The following SLC66A1 variants were observed in gnomAD, a reference collection of about 807,000 sequenced individuals.
SLC66A1 encodes lysosomal amino acid transporter 1 homolog.
In SLC66A1, 23 loss-of-function variants were observed where a neutral mutation model predicts 33.0. The ratio of observed to expected loss-of-function variants is 0.70; its 90% CI spans 0.50 to 0.99. The LOEUF (loss-of-function observed/expected upper bound fraction) is 0.99. Among genes scored for constraint, SLC66A1 ranks in the 50% least tolerant of loss-of-function variants. SLC66A1 has a pLI of 0.00. For synonymous variants in SLC66A1, 164 were observed against 175.5 expected, an observed-to-expected ratio of 0.93 and a Z score of 0.52; for missense variants, 335 against 383.6, an observed-to-expected ratio of 0.87 and a Z score of 1.06.
At chr1:19,334,376 C>T in the SLC66A1 span, among the ~76,000 whole-genome samples, 86,930 of 152,002 alleles carry the variant, frequency 0.57, 25,251 homozygotes, top group African/African-American at 0.65. Flanking sequence ...TGAAAAAATA[C>T]CAAATGTGCC....
rs201584376 is a variant in SLC66A1 at position 19,317,753 on chromosome 1, T to C, written c.76T>C (p.Leu26=). ...SGSIQWIWDV[L]GECAQDGWDE... The stretch of plus-strand genomic sequence containing the variant: ...CTCCATCCAGTGGATATGGGATGTG[T>C]TGGGTGAATGTGCCCAGGACGGCTG... Residue 26 remains leucine (L), a synonymous_variant, in exon 2 of 8, where the codon TTG becomes CTG. Coordinates refer to ENST00000375153, the MANE Select transcript of SLC66A1 (RefSeq NM_001040125.2). 42 of 1,614,188 alleles carry C rather than the reference T, an allele frequency of 2.6e-5. No individual in the cohort carries two copies. In the African/African-American group the frequency reaches 4.7e-4, roughly 18 times the overall value.
At chr1:19,323,581 A>G (rs1299713596) in intron 2 of SLC66A1, among the ~76,000 whole-genome samples, 2 of 151,564 alleles carry the variant, frequency 1.3e-5, no homozygotes, top group Non-Finnish European at 2.9e-5. Context: ...TGATTTTTGT[A>G]TTTTTGGTAG....
At chr1:19,319,791 T>C (rs2093825234) in intron 2 of SLC66A1, among the ~76,000 whole-genome samples, 5 of 150,822 alleles carry the variant, frequency 3.3e-5, no homozygotes. Flanking sequence ...TGGTCCCAGC[T>C]ACTCGGGAGG....
intron 1 of SLC66A1, among the ~76,000 whole-genome samples, chr1:19,313,368 CCTCT>C (rs1255760303): frequency 6.6e-6 from 1 of 152,208 alleles, no homozygotes; most frequent in Admixed American, 6.5e-5. Flanking sequence ...CTTCTCTCTA[CCTCT>C]CTCTTTCTCT....
rs915399689 is a variant in SLC66A1, at chr1:19,317,509, G to A, written c.-78-91G>A. ...TCTCTGGCTCAGGGCCAGGAGCCCC[G>A]TGAAAAGGCTGGGATGAGCTTAGTT... On this transcript the variant is annotated intron_variant, in intron 1 of 7. Transcript: ENST00000375153. The A allele has an allele frequency of 2.0e-5, 28 of 1,393,566 alleles. No homozygotes were observed. The Admixed American group carries it at 2.6e-4, about 13-fold the overall frequency. 86.3% of individuals were successfully genotyped at this position (1,393,566 alleles called of 1,614,324 possible).
rs770851191 is a variant in SLC66A1, at chr1:19,317,693, C to T, written c.16C>T (p.Leu6=). The T allele has an allele frequency of 6.2e-7, 1 of 1,614,128 alleles. No homozygotes were observed. Among genetic ancestry groups the T allele is most frequent in the Non-Finnish European group, 8.5e-7 (1 of 1,179,946 alleles). The change falls in exon 2 of 8, where the codon CTG becomes TTG. Residue 6 remains leucine, a synonymous_variant. Transcript: ENST00000375153. ...CTCCACAGCCATGGTCTGGAAGAAA[C>T]TGGGCTCCCGCAACTTCTCCAGCTG... MVWKK[L]GSRNFSSCPS...
At chr1:19,313,755 C>T (rs1044828493) in intron 1 of SLC66A1, among the ~76,000 whole-genome samples, 1 of 152,192 alleles carries the variant, frequency 6.6e-6, no homozygotes, top group South Asian at 2.1e-4. Flanking sequence ...TAACTTGAGG[C>T]CTAGCCTCAG....
chr1:19,315,896 C>T (rs1222103252), intron 1 of SLC66A1, among the ~76,000 whole-genome samples: 8 of 152,190 alleles, frequency 5.3e-5, no homozygotes, highest in African/African-American at 1.9e-4. Context: ...ACATCACTTC[C>T]GCACTCTGGC....
rs903391383 is a variant in SLC66A1 at position 19,328,840 on chromosome 1, C to G, written c.*197C>G. On this transcript the variant is annotated 3_prime_UTR_variant, in exon 8 of 8. Transcript: ENST00000375153. The surrounding 1 kb of genome is among the most constrained non-coding windows in gnomAD (Gnocchi z 4.7). ...CTCAAGGCCGGGGCTGGAGCGGAGA[C>G]CCCAGGGCCTCTCAGGAGACAGTGA... The G allele has an allele frequency of 1.6e-5, 10 of 620,242 alleles. No individual in the cohort carries two copies. The highest frequency in any genetic ancestry group is 2.8e-5 in the Non-Finnish European group (10 of 355,366). The allele number at this position is 620,242 out of a possible 1,614,324, so 38.4% of individuals were successfully genotyped here. A position where few individuals can be genotyped will look rare whatever the true frequency, so the allele number is the denominator to read the frequency against.
intron 7 of SLC66A1, 81 bp downstream of exon 7, chr1:19,327,493 G>T: frequency 6.8e-7 from 1 of 1,464,366 alleles, no homozygotes; most frequent in Non-Finnish European, 9.3e-7. Context: ...GCACTCATCC[G>T]TCTCTTCCTC....
intron 4 of SLC66A1, 94 bp from the exon 5 acceptor site, chr1:19,326,151 G>C: frequency 8.0e-7 from 1 of 1,256,176 alleles, no homozygotes; most frequent in Non-Finnish European, 1.1e-6. Flanking sequence ...AGGTCACACA[G>C]CCCCTGAGGG....
intron 3 of SLC66A1, 86 bp downstream of exon 3, chr1:19,324,848 C>T: frequency 6.6e-7 from 1 of 1,512,916 alleles, no homozygotes; most frequent in East Asian, 2.4e-5. Context: ...GGCTCTTTGG[C>T]CCGCCTGGTC....
intron 1 of SLC66A1, among the ~76,000 whole-genome samples, chr1:19,314,074 A>G (rs576316978): frequency 7.9e-5 from 12 of 152,290 alleles, no homozygotes; most frequent in Admixed American, 5.2e-4. Flanking sequence ...GTCAAGCTCC[A>G]TTGCAACCTT....
At chr1:19,330,150 C>T (rs2093888569), downstream of SLC66A1, among the ~76,000 whole-genome samples, 1 of 152,008 alleles carries the variant, frequency 6.6e-6, no homozygotes, top group African/African-American at 2.4e-5. Flanking sequence ...TGTTCTGATT[C>T]CACTTTCCTG....
chr1:19,326,941 G>T (rs952814228), intron 6 of SLC66A1, among the ~76,000 whole-genome samples: 1 of 152,126 alleles, frequency 6.6e-6, no homozygotes, highest in Non-Finnish European at 1.5e-5. Context: ...GGGAGGGGAG[G>T]CTTGCTGGGC....
chr1:19,325,459 C>A, intron 3 of SLC66A1, 36 bp from the exon 4 acceptor site: 1 of 1,488,880 alleles, frequency 6.7e-7, no homozygotes, highest in Non-Finnish European at 9.4e-7. Context: ...GATCCTGGGA[C>A]TGCGCCAACC....
Position 19,328,189 on chromosome 1 carries a change from G to C in SLC66A1, c.805-383G>C. The C allele has an allele frequency of 2.7e-6, 1 of 368,414 alleles. No homozygotes were observed. Among genetic ancestry groups the C allele is most frequent in the Non-Finnish European group, 5.1e-6 (1 of 197,146 alleles). 22.8% of individuals were successfully genotyped at this position (368,414 alleles called of 1,614,324 possible). ...TGGCCTTTGTTTTAATATTTGTTAA[G>C]TCCCTGCCGGGCGCAGGGAGGGGTG... On this transcript the variant is annotated intron_variant, in intron 7 of 7. Transcript: ENST00000375153. The surrounding 1 kb of genome is among the most constrained non-coding windows in gnomAD (Gnocchi z 4.7).
chr1:19,326,228 C>T lies in SLC66A1; in HGVS notation c.383-17C>T, dbSNP rs755542894. ...ACTCAGCCATCTAACCTCAGCTTCC[C>T]CCTGCCTTGTGTGCAGTGTCTGCCC... On this transcript the variant is annotated splice_polypyrimidine_tract_variant and intron_variant, in intron 4 of 7. Transcript: ENST00000375153. The T allele has an allele frequency of 6.3e-7, 1 of 1,591,562 alleles. No individual in the cohort carries two copies. Among genetic ancestry groups the T allele is most frequent in the African/African-American group, 1.3e-5 (1 of 74,718 alleles).
chr1:19,326,707 C>T (rs1297054828), intron 6 of SLC66A1, 84 bp downstream of exon 6: 3 of 1,391,284 alleles, frequency 2.2e-6, no homozygotes, highest in Admixed American at 3.5e-5. Context: ...AGGAGTAGCA[C>T]AGCATAGGAG....
Sources: allele counts gnomAD v4.1 joint callset (sites outside exome capture counted in the v4.1 genomes callset), GRCh38; gene constraint gnomAD v4.1.1; non-coding constraint Gnocchi (gnomAD v3.1); transcripts MANE v1.5; gene names NCBI Gene and HGNC (gene_info 2026-07-23, HGNC 2026-07-21).